ADCY2: variants seen among roughly 807,000 people sequenced by gnomAD.
The protein encoded by ADCY2 is adenylate cyclase type 2.
ADCY2 carries 31 observed loss-of-function variants against 125.2 expected under a neutral mutation model. That is an observed-to-expected ratio of 0.25 (90% CI 0.19 to 0.33). ADCY2 has a LOEUF of 0.33. Ranked by LOEUF, ADCY2 falls within the 10% of genes least tolerant of loss-of-function variation. The pLI is 1.00. For synonymous variants in ADCY2, 512 were observed against 548.4 expected (o/e 0.93, Z 0.93); for missense variants, 904 against 1,418.2 (o/e 0.64, Z 5.82).
At chr5:7,693,413 G>GTTTTTTTTTTTTTTTTTTTTTTTT (rs70940751) in intron 5 of ADCY2, among the ~76,000 whole-genome samples, 14 of 32,410 alleles carry the variant, frequency 4.3e-4, no homozygotes, top group Non-Finnish European at 8.1e-4. Flanking sequence ...GCTGTTTTTT[G>GTTTTTTTTTTTTTTTTTTTTTTTT]TTTTTTTTTT....
chr5:7,584,535 A>G (rs1442385948), intron 3 of ADCY2, among the ~76,000 whole-genome samples: 6 of 152,146 alleles, frequency 3.9e-5, no homozygotes, highest in African/African-American at 1.4e-4. Flanking sequence ...ATAGACACGT[A>G]TCACTATGTT....
At chr5:7,427,626 A>G (rs1740434212) in intron 2 of ADCY2, among the ~76,000 whole-genome samples, 1 of 152,176 alleles carries the variant, frequency 6.6e-6, no homozygotes, top group Non-Finnish European at 1.5e-5. Context: ...CAGCCAAACC[A>G]TATCACCACC....
At position 7,652,352 on chromosome 5, in the gene ADCY2, T is replaced by C. The variant is rs541198177; in HGVS notation, c.720+26036T>C. ...GAAAGAGAGAGATCAGTGGGAAAGATTGATACAAATTGGAGCTATTTTTCT... is the reference window on the plus strand; with the variant it reads ...GAAAGAGAGAGATCAGTGGGAAAGACTGATACAAATTGGAGCTATTTTTCT... On this transcript the variant is annotated intron_variant, in intron 4 of 24. Coordinates refer to ENST00000338316, the MANE Select transcript of ADCY2 (RefSeq NM_020546.3). 3.9e-5 allele frequency among the ~76,000 whole-genome samples: 6 copies of C among 152,346 alleles called. No individual in the cohort carries two copies. In the South Asian group the frequency reaches 8.3e-4, roughly 21 times the overall value.
chr5:7,786,890 C>T (rs1245269058), intron 19 of ADCY2, among the ~76,000 whole-genome samples: 2 of 152,156 alleles, frequency 1.3e-5, no homozygotes, highest in East Asian at 1.9e-4. Flanking sequence ...ATGTGAAGCC[C>T]TCCAGTTCCT....
chr5:7,784,232 A>G (rs1445510038), intron 18 of ADCY2, 133 bp from the exon 19 acceptor site: 5 of 638,378 alleles, frequency 7.8e-6, no homozygotes, highest in Non-Finnish European at 1.4e-5. Flanking sequence ...GGAGATTTGA[A>G]ACTTGTGTTT....
intron 20 of ADCY2, among the ~76,000 whole-genome samples, chr5:7,791,626 C>G (rs1314252667): frequency 6.6e-6 from 1 of 152,124 alleles, no homozygotes; most frequent in African/African-American, 2.4e-5. Context: ...CCTGATTTTC[C>G]TATTGATCAC....
chr5:7,546,754 T>A (rs986471938), intron 3 of ADCY2, among the ~76,000 whole-genome samples: 1 of 152,212 alleles, frequency 6.6e-6, no homozygotes, highest in Admixed American at 6.5e-5. Context: ...GGCTGTGCCT[T>A]CTCCAGCTCG....
At chr5:7,450,329 T>C (rs546051385) in intron 2 of ADCY2, among the ~76,000 whole-genome samples, 8 of 152,248 alleles carry the variant, frequency 5.3e-5, no homozygotes, top group African/African-American at 1.7e-4. Context: ...TTATTGCTGA[T>C]ATAGAGAAAG....
chr5:7,680,009 A>G (rs903780834), intron 4 of ADCY2, among the ~76,000 whole-genome samples: 8 of 152,178 alleles, frequency 5.3e-5, no homozygotes, highest in African/African-American at 1.9e-4. Flanking sequence ...GGGCAAGACA[A>G]CAGTGAAAGT....
At chr5:7,687,154 T>A (rs1287260862) in intron 4 of ADCY2, among the ~76,000 whole-genome samples, 4 of 152,246 alleles carry the variant, frequency 2.6e-5, no homozygotes, top group African/African-American at 9.6e-5. Flanking sequence ...GTACAACATA[T>A]GAAGTTTACT....
At chr5:7,436,497 C>T (rs1740806419) in intron 2 of ADCY2, among the ~76,000 whole-genome samples, 1 of 152,172 alleles carries the variant, frequency 6.6e-6, no homozygotes, top group Non-Finnish European at 1.5e-5. Context: ...CAATTTAAGC[C>T]TATTGTTGAC....
chr5:7,560,698 T>C (rs905521435), intron 3 of ADCY2, among the ~76,000 whole-genome samples: 5 of 151,336 alleles, frequency 3.3e-5, no homozygotes, highest in African/African-American at 1.2e-4. Context: ...ACTAACAGGT[T>C]TTTTTTTTGA....
At chr5:7,652,906 G>A (rs1739146847) in intron 4 of ADCY2, among the ~76,000 whole-genome samples, 1 of 152,082 alleles carries the variant, frequency 6.6e-6, no homozygotes, top group Non-Finnish European at 1.5e-5. Flanking sequence ...TGTGAAGAGA[G>A]CAATAAAATA....
At chr5:7,461,357 T>C (rs990568841) in intron 2 of ADCY2, among the ~76,000 whole-genome samples, 1 of 152,230 alleles carries the variant, frequency 6.6e-6, no homozygotes. Flanking sequence ...AAGCTCCGCC[T>C]CAATGCACAT....
chr5:7,549,621 TTC>T (rs1348541900), intron 3 of ADCY2, among the ~76,000 whole-genome samples: 1 of 152,174 alleles, frequency 6.6e-6, no homozygotes, highest in Non-Finnish European at 1.5e-5. Flanking sequence ...ATCTGAAGAG[TTC>T]TCTCCCTGTG....
intron 22 of ADCY2, among the ~76,000 whole-genome samples, chr5:7,807,558 T>C (rs1744793134): frequency 6.6e-6 from 1 of 152,188 alleles, no homozygotes; most frequent in Non-Finnish European, 1.5e-5. Flanking sequence ...GCTCCCTCTG[T>C]GTGGGACATT....
chr5:7,732,648 C>T (rs1393553172), intron 14 of ADCY2, among the ~76,000 whole-genome samples: 1 of 152,160 alleles, frequency 6.6e-6, no homozygotes, highest in Non-Finnish European at 1.5e-5. Context: ...GTTTTCTTAA[C>T]TCATTAATTA....
At chr5:7,706,110 C>A (rs150271938) in intron 7 of ADCY2, among the ~76,000 whole-genome samples, 1 of 152,130 alleles carries the variant, frequency 6.6e-6, no homozygotes, top group African/African-American at 2.4e-5. Context: ...ATAAGCATTG[C>A]CAAGCATTTC....
intron 3 of ADCY2, among the ~76,000 whole-genome samples, chr5:7,534,279 G>C (rs751572062): frequency 6.6e-6 from 1 of 152,166 alleles, no homozygotes; most frequent in Non-Finnish European, 1.5e-5. Context: ...TGGTGGCTGA[G>C]GGTTCTGTCA....
Sources: allele counts gnomAD v4.1 joint callset (sites outside exome capture counted in the v4.1 genomes callset), GRCh38; gene constraint gnomAD v4.1.1; transcripts MANE v1.5; gene names NCBI Gene and HGNC (gene_info 2026-07-23, HGNC 2026-07-21).